Variants in SCN9A observed in about 807,000 individuals in gnomAD.
SCN9A encodes the protein sodium channel protein type 9 subunit alpha.
Under a neutral mutation model 187.0 loss-of-function variants are expected in SCN9A, and 131 were observed. The ratio of observed to expected loss-of-function variants is 0.70; its 90% confidence interval spans 0.61 to 0.81. SCN9A has a LOEUF of 0.81. Among genes scored for constraint, SCN9A ranks in the 30% least tolerant of loss-of-function variants. The pLI is 0.00. For missense variants in SCN9A, 2,252 were observed against 2,396.6 expected (o/e 0.94, Z 1.26); for synonymous variants, 809 against 808.6 (o/e 1.00, Z -0.01).
chr2:166,358,685 T>C (rs1454521565), intron 1 of SCN9A, among the ~76,000 whole-genome samples: 1 of 152,206 alleles, frequency 6.6e-6, no homozygotes, highest in East Asian at 1.9e-4. Context: ...ACCAATCCTT[T>C]CTCCAGTGGC....
rs182529589 is a variant in SCN9A at position 166,370,934 on chromosome 2, T to C, written c.-51+4763A>G. Among the ~76,000 whole-genome samples, 446 of 152,328 alleles carry C rather than the reference T, an allele frequency of 2.9e-3. 2 individuals carry two copies. The highest frequency in any genetic ancestry group is 9.9e-3 in the African/African-American group (411 of 41,582). On this transcript the variant is annotated intron_variant, in intron 1 of 26. Transcript: ENST00000642356. ...AATCCTAGGTGCAATTAGAGCTTTA[T>C]TGTATTTTGATAAATGATTCAGAAA...
intron 1 of SCN9A, among the ~76,000 whole-genome samples, chr2:166,366,199 A>C (rs927819445): frequency 5.9e-5 from 9 of 152,226 alleles, no homozygotes; most frequent in Admixed American, 5.9e-4. Context: ...AAGATAAATC[A>C]GTTGGAAATT....
chr2:166,328,350 T>C (rs1282929073), intron 1 of SCN9A, among the ~76,000 whole-genome samples: 1 of 152,114 alleles, frequency 6.6e-6, no homozygotes, highest in East Asian at 1.9e-4. Flanking sequence ...GCTTATTTCA[T>C]CACCCAGGTA....
chr2:166,297,358 C>T (rs1698363367), intron 7 of SCN9A, among the ~76,000 whole-genome samples: 1 of 151,620 alleles, frequency 6.6e-6, no homozygotes, highest in African/African-American at 2.4e-5. Flanking sequence ...CGGAAATAAC[C>T]CAAATGTCCA....
chr2:166,220,787 A>G (rs1324322433), intron 24 of SCN9A, among the ~76,000 whole-genome samples: 1 of 152,204 alleles, frequency 6.6e-6, no homozygotes, highest in Non-Finnish European at 1.5e-5. Context: ...TGCCACTTGT[A>G]TTTAACACAG....
chr2:166,205,861 A>G (rs1257843184), intron 24 of SCN9A, among the ~76,000 whole-genome samples: 2 of 152,224 alleles, frequency 1.3e-5, no homozygotes, highest in Non-Finnish European at 2.9e-5. Flanking sequence ...AAGGATATGA[A>G]CAGGTACTTC....
At chr2:166,310,083 C>G (rs1698893091) in intron 2 of SCN9A, among the ~76,000 whole-genome samples, 1 of 112,424 alleles carries the variant, frequency 8.9e-6, no homozygotes, top group Admixed American at 8.6e-5. Context: ...TTCCTTACAC[C>G]TTATACAAAA....
At chr2:166,255,760 C>T (rs1182382110) in intron 17 of SCN9A, among the ~76,000 whole-genome samples, 1 of 151,280 alleles carries the variant, frequency 6.6e-6, no homozygotes, top group Non-Finnish European at 1.5e-5. Context: ...AAAATACTCA[C>T]AAAAGACAGT....
intron 17 of SCN9A, among the ~76,000 whole-genome samples, chr2:166,254,024 G>A (rs1696159814): frequency 6.6e-6 from 1 of 151,590 alleles, no homozygotes; most frequent in African/African-American, 2.4e-5. Context: ...AAAGATTTAT[G>A]CCAAATTAGA....
chr2:166,366,181 CCTA>C lies in SCN9A; in HGVS notation c.-51+9513_-51+9515del, dbSNP rs1299659544. 2.6e-5 allele frequency among the ~76,000 whole-genome samples: 4 copies of C among 152,222 alleles called. No homozygotes were observed. The East Asian group carries it at 7.7e-4, about 29-fold the overall frequency. On this transcript the variant is annotated intron_variant, in intron 1 of 26. Transcript: ENST00000642356. Reference sequence around the variant, plus strand: ...ACTAGACCGGATCTAATGATTAATCCCTAGGCTAAGATAAATCAGTTGGAAATT... The same window carrying C: ...ACTAGACCGGATCTAATGATTAATCCGGCTAAGATAAATCAGTTGGAAATT...
intron 1 of SCN9A, among the ~76,000 whole-genome samples, chr2:166,329,975 T>C (rs967282787): frequency 6.6e-6 from 1 of 152,184 alleles, no homozygotes; most frequent in African/African-American, 2.4e-5. Flanking sequence ...AAAAAAATCA[T>C]CTTTGGCTTT....
intron 1 of SCN9A, among the ~76,000 whole-genome samples, chr2:166,316,010 G>A (rs916072981): frequency 1.3e-5 from 2 of 152,130 alleles, no homozygotes; most frequent in Admixed American, 1.3e-4. Flanking sequence ...GAGAGGACTT[G>A]TAAAGCATTA....
chr2:166,276,883 G>A (rs537493567), intron 16 of SCN9A, 100 bp downstream of exon 16: 5 of 878,190 alleles, frequency 5.7e-6, no homozygotes, highest in African/African-American at 1.8e-5. Flanking sequence ...ATTAATAATT[G>A]TAGATATAAT....
Position 166,251,803 on chromosome 2 carries a change from G to A in SCN9A, c.3434C>T (p.Pro1145Leu). Residue 1145 changes from proline to leucine, a missense_variant, in exon 18 of 27, where the codon CCT (proline) becomes CTT (leucine). Physicochemically the swap from Pro to Leu is moderately conservative, Grantham distance 98 (BLOSUM62 -3). This residue lies in a region of SCN9A where 313 missense variants were observed against 295.3 expected (regional missense o/e 1.06). Coordinates refer to ENST00000642356, the MANE Select transcript of SCN9A (RefSeq NM_001365536.1). ...GGCCTCTGGCTCATCGGAATTCATA[G>A]GTTCAGCCTCTGCTTCTTCTCCTTC... is the stretch of plus-strand genomic sequence containing the variant. ...PGEGEEAEAEPMNSDEPEACF... is the reference protein window; with the variant it reads ...PGEGEEAEAELMNSDEPEACF... 5 of 1,612,618 alleles carry A rather than the reference G, an allele frequency of 3.1e-6. No individual in the cohort carries two copies. The highest frequency in any genetic ancestry group is 3.4e-6 in the Non-Finnish European group (4 of 1,179,082).
At chr2:166,314,678 C>G (rs1333332930) in intron 1 of SCN9A, among the ~76,000 whole-genome samples, 1 of 152,040 alleles carries the variant, frequency 6.6e-6, no homozygotes, top group Non-Finnish European at 1.5e-5. Flanking sequence ...TGATGAAAAC[C>G]CCGTGAAAGA....
At chr2:166,345,625 C>T (rs1359777949) in intron 1 of SCN9A, among the ~76,000 whole-genome samples, 1 of 151,960 alleles carries the variant, frequency 6.6e-6, no homozygotes, top group Non-Finnish European at 1.5e-5. Flanking sequence ...AACAAACAAA[C>T]ATACAAACAA....
chr2:166,338,864 A>G (rs1040721240), intron 1 of SCN9A, among the ~76,000 whole-genome samples: 4 of 152,172 alleles, frequency 2.6e-5, no homozygotes, highest in Non-Finnish European at 5.9e-5. Context: ...GGAATTAGAT[A>G]CTTTGCTCAA....
intron 18 of SCN9A, among the ~76,000 whole-genome samples, chr2:166,250,980 A>G (rs1471116249): frequency 1.3e-5 from 2 of 151,914 alleles, no homozygotes; most frequent in African/African-American, 2.4e-5. Context: ...AAACCATACT[A>G]AAGTTTTGTT....
chr2:166,293,739 A>G (rs1468694870), intron 8 of SCN9A, among the ~76,000 whole-genome samples: 2 of 152,212 alleles, frequency 1.3e-5, no homozygotes, highest in Non-Finnish European at 2.9e-5. Flanking sequence ...GTTTTGTGAT[A>G]GTTCTTGGTT....
Sources: gnomAD v4.1 joint callset for allele counts (sites outside exome capture counted in the v4.1 genomes callset) on GRCh38, gnomAD v4.1.1 for gene constraint, gnomAD v4.1.1 regional missense constraint, MANE v1.5 for transcripts, NCBI Gene and HGNC (gene_info 2026-07-23, HGNC 2026-07-21) for gene names.